Variants in WWC2 observed in about 807,000 individuals in gnomAD.
WWC2 encodes protein WWC2.
WWC2 carries 101 observed loss-of-function variants against 138.5 expected under a neutral mutation model. The ratio of observed to expected loss-of-function variants is 0.73; its 90% CI spans 0.62 to 0.86. The LOEUF (loss-of-function observed/expected upper bound fraction) is 0.86, where lower values mean the gene tolerates loss of function less well. Ranked by LOEUF, WWC2 falls within the 40% of genes least tolerant of loss-of-function variation. The pLI is 0.00. For missense variants in WWC2, 1,420 were observed against 1,419.4 expected (o/e 1.00, Z -0.01); for synonymous variants, 558 against 538.4 (o/e 1.04, Z -0.50).
Position 183,265,656 on chromosome 4 carries a change from A to G in WWC2, c.2040-32A>G, listed in dbSNP as rs1251217792. 3 of 1,581,920 alleles carry G rather than the reference A, an allele frequency of 1.9e-6. No individual in the cohort carries two copies. The African/African-American group carries it at 4.0e-5, about 21-fold the overall frequency. ...ACCATAACAATCGATAACCCCATTA[A>G]TTAACTGTTCATCTACTCCCTGTCC... is the stretch of plus-strand genomic sequence containing the variant. On this transcript the variant is annotated intron_variant, in intron 12 of 22. Transcript: ENST00000403733.
intron 16 of WWC2, among the ~76,000 whole-genome samples, chr4:183,279,508 A>T (rs1304765905): frequency 1.3e-5 from 2 of 152,096 alleles, no homozygotes; most frequent in South Asian, 4.1e-4. Flanking sequence ...GTTAGGGAGG[A>T]TTCCCTCTTT....
Position 183,289,508 on chromosome 4 carries a change from A to C in WWC2, c.3257A>C (p.Glu1086Ala). 6.2e-7 allele frequency: 1 copy of C among 1,613,920 alleles called. No homozygotes were observed. Among genetic ancestry groups the C allele is most frequent in the African/African-American group, 1.3e-5 (1 of 75,044 alleles). Residue 1086 changes from glutamate (E) to alanine (A), a missense_variant, in exon 21 of 23, where the codon GAG becomes GCG. Coordinates refer to ENST00000403733, the MANE Select transcript of WWC2 (RefSeq NM_024949.6). ...ACCCGGCAGAGCCGCCTCAATGATGAGCTGCAGGCGCTGAGGGACTTGCGG... is the reference window on the plus strand; with the variant it reads ...ACCCGGCAGAGCCGCCTCAATGATGCGCTGCAGGCGCTGAGGGACTTGCGG... The part of the protein sequence containing the change: ...SLTRQSRLND[E>A]LQALRDLRQK...
intron 4 of WWC2, among the ~76,000 whole-genome samples, chr4:183,221,189 C>T (rs1735925591): frequency 6.6e-6 from 1 of 152,136 alleles, no homozygotes; most frequent in African/African-American, 2.4e-5. Flanking sequence ...AACTTCAGAA[C>T]AAGGACTATT....
chr4:183,178,703 C>T (rs1053615144), intron 1 of WWC2, among the ~76,000 whole-genome samples: 1 of 152,104 alleles, frequency 6.6e-6, no homozygotes, highest in Non-Finnish European at 1.5e-5. Context: ...TGCCTTTACA[C>T]CAGGGAGCTT....
At chr4:183,153,009 T>C (rs2111121039) in intron 1 of WWC2, among the ~76,000 whole-genome samples, 3 of 152,176 alleles carry the variant, frequency 2.0e-5, no homozygotes, top group South Asian at 2.1e-4. Context: ...GATCCTCCTG[T>C]CTCAGCCTCC....
At chr4:183,269,439 A>G (rs1354665294) in intron 15 of WWC2, 1 of 571,420 alleles carries the variant, frequency 1.8e-6, no homozygotes, top group Admixed American at 2.2e-5. Flanking sequence ...CCTTTGTGAC[A>G]GCTATCACTC....
At chr4:183,188,140 G>A (rs1329746320) in intron 1 of WWC2, among the ~76,000 whole-genome samples, 3 of 152,208 alleles carry the variant, frequency 2.0e-5, no homozygotes, top group East Asian at 1.9e-4. Flanking sequence ...GAACGGGGGA[G>A]TGAGGCTAGA....
chr4:183,170,871 A>G (rs1367012859), intron 1 of WWC2, among the ~76,000 whole-genome samples: 1 of 149,876 alleles, frequency 6.7e-6, no homozygotes, highest in Non-Finnish European at 1.5e-5. Context: ...TTTAATAGAG[A>G]GTCTCGCTAT....
At chr4:183,313,523 G>T (rs1739335188) in intron 22 of WWC2, among the ~76,000 whole-genome samples, 1 of 152,086 alleles carries the variant, frequency 6.6e-6, no homozygotes, top group South Asian at 2.1e-4. Flanking sequence ...GGCACACCAG[G>T]CAATGCCAGC....
chr4:183,254,717 C>T (rs1262676577), intron 9 of WWC2, among the ~76,000 whole-genome samples: 1 of 152,172 alleles, frequency 6.6e-6, no homozygotes, highest in Non-Finnish European at 1.5e-5. Context: ...CAGGACAGAC[C>T]AGAGAGCCGT....
intron 1 of WWC2, among the ~76,000 whole-genome samples, chr4:183,154,017 A>AC (rs1733723463): frequency 6.6e-6 from 1 of 151,546 alleles, no homozygotes. Flanking sequence ...AAAAAAAAAA[A>AC]AAAAAAAAAA....
intron 1 of WWC2, among the ~76,000 whole-genome samples, chr4:183,129,657 T>A (rs926180863): frequency 4.6e-5 from 7 of 152,248 alleles, no homozygotes; most frequent in Non-Finnish European, 7.3e-5. Flanking sequence ...TTTCTAAGTC[T>A]TGATAATGTA....
Position 183,280,862 on chromosome 4 carries a change from A to G in WWC2, c.2649A>G (p.Ser883=), listed in dbSNP as rs1382455804. Reference sequence around the variant, plus strand: ...TAGCACAAGAAGAAGAAGAAGAATCAGGACAAGAAGAGCCAAGGGGCCCAG... The same window carrying G: ...TAGCACAAGAAGAAGAAGAAGAATCGGGACAAGAAGAGCCAAGGGGCCCAG... ...QELAQEEEEE[S]GQEEPRGPDG... The change falls in exon 17 of 23, where the codon TCA becomes TCG. Residue 883 remains serine, a synonymous_variant. Coordinates refer to ENST00000403733, the MANE Select transcript of WWC2 (RefSeq NM_024949.6). 2 of 1,585,478 alleles carry G rather than the reference A, an allele frequency of 1.3e-6. No homozygotes were observed. Among genetic ancestry groups the G allele is most frequent in the Non-Finnish European group, 1.7e-6 (2 of 1,165,208 alleles).
chr4:183,110,432 A>ATTTTT (rs545128013), intron 1 of WWC2, among the ~76,000 whole-genome samples: 1 of 117,422 alleles, frequency 8.5e-6, no homozygotes, highest in African/African-American at 3.3e-5. Context: ...CTGTAGAGCT[A>ATTTTT]TTTTTTTTTT....
intron 4 of WWC2, among the ~76,000 whole-genome samples, chr4:183,239,010 A>G (rs1736520487): frequency 6.6e-6 from 1 of 152,166 alleles, no homozygotes. Context: ...GCGCAACAGA[A>G]TGTGTTTAAA....
At chr4:183,188,423 C>T (rs947433935) in intron 1 of WWC2, among the ~76,000 whole-genome samples, 7 of 151,512 alleles carry the variant, frequency 4.6e-5, no homozygotes, top group Admixed American at 1.3e-4. Context: ...ATTTTAGTAG[C>T]GATGGATTTT....
At chr4:183,141,035 A>G (rs1733285307) in intron 1 of WWC2, among the ~76,000 whole-genome samples, 1 of 152,216 alleles carries the variant, frequency 6.6e-6, no homozygotes, top group Non-Finnish European at 1.5e-5. Flanking sequence ...TTCGTGGGAA[A>G]CCACAGGAAG....
intron 1 of WWC2, among the ~76,000 whole-genome samples, chr4:183,158,201 C>T (rs541606450): frequency 7.2e-5 from 11 of 152,144 alleles, no homozygotes; most frequent in South Asian, 2.1e-4. Flanking sequence ...TACAATGCAG[C>T]GTATGCATTC....
At chr4:183,159,278 T>A (rs756789804) in intron 1 of WWC2, among the ~76,000 whole-genome samples, 1 of 152,244 alleles carries the variant, frequency 6.6e-6, no homozygotes, top group Non-Finnish European at 1.5e-5. Flanking sequence ...CATGGATTTA[T>A]GTAGTCCCAC....
Sources: allele counts gnomAD v4.1 joint callset (sites outside exome capture counted in the v4.1 genomes callset), GRCh38; gene constraint gnomAD v4.1.1; transcripts MANE v1.5; gene names NCBI Gene and HGNC (gene_info 2026-07-23, HGNC 2026-07-21).